The following NOTCH2NLR variants were observed in gnomAD, a reference collection of about 807,000 sequenced individuals.
NOTCH2NLR encodes notch 2 N-terminal like R (pseudogene).
A neutral mutation model predicts 35.6 loss-of-function variants in NOTCH2NLR; 33 were observed. The observed-to-expected ratio is 0.93, with a 90% CI of 0.70 to 1.24. The LOEUF (loss-of-function observed/expected upper bound fraction) is 1.24, where lower values mean the gene tolerates loss of function less well. Among genes scored for constraint, NOTCH2NLR ranks in the 50% most tolerant of loss-of-function variants. The pLI, the probability that NOTCH2NLR is intolerant of heterozygous loss-of-function variation, is 0.00. For synonymous variants in NOTCH2NLR, 103 were observed against 141.0 expected, an observed-to-expected ratio of 0.73 and a Z score of 1.91; for missense variants, 276 against 362.2, an observed-to-expected ratio of 0.76 and a Z score of 1.93.
At chr1:120,764,710 T>G (rs1651170863) in intron 2 of NOTCH2NLR, among the ~76,000 whole-genome samples, 4 of 119,638 alleles carry the variant, frequency 3.3e-5, no homozygotes, top group Admixed American at 2.4e-4. Context: ...TAATTTTTTT[T>G]CTTCTGCCTC....
In NOTCH2NLR at chr1:120,761,383, C is replaced by A. The variant is rs1460964715; in HGVS notation, c.74-2245C>A. 1.9e-5 allele frequency among the ~76,000 whole-genome samples: 2 copies of A among 106,834 alleles called. 1 individual carries two copies. The highest frequency in any genetic ancestry group is 3.5e-5 in the Non-Finnish European group (2 of 57,552). The allele number at this position is 106,834 out of a possible 152,430, so 70.1% of individuals were successfully genotyped here. ...AGGGAACCTTTAGGGACATTTAGTT[C>A]GCTCTCAGCTTGGTACAGGTAGGGA... On this transcript the variant is annotated intron_variant, in intron 1 of 4. Coordinates refer to ENST00000624419, the Ensembl canonical transcript of NOTCH2NLR.
chr1:120,724,303 G>A, intron 1 of NOTCH2NLR, 53 bp downstream of exon 1: 1 of 1,366,118 alleles, frequency 7.3e-7, no homozygotes, highest in South Asian at 1.3e-5. Flanking sequence ...TGCCACCTGG[G>A]GCGACCCTTC....
At position 120,764,039 on chromosome 1, in the gene NOTCH2NLR, G is replaced by T. The variant is rs1356427443; in HGVS notation, c.155+330G>T. ...TGAGTTGGGCGAATCACGAGGTCAG[G>T]AGTTCAAGATCAGCCTGGCCAACAT... is the stretch of plus-strand genomic sequence containing the variant. On this transcript the variant is annotated intron_variant, in intron 2 of 4. Transcript: ENST00000624419. Among the ~76,000 whole-genome samples, 5 of 113,852 alleles carry T rather than the reference G, an allele frequency of 4.4e-5. 1 individual carries two copies. The highest frequency in any genetic ancestry group is 8.4e-5 in the Non-Finnish European group (5 of 59,678). 74.7% of individuals were successfully genotyped at this position (113,852 alleles called of 152,430 possible).
At chr1:120,745,248 CA>C (rs1650968985) in intron 1 of NOTCH2NLR, among the ~76,000 whole-genome samples, 2 of 107,356 alleles carry the variant, frequency 1.9e-5, no homozygotes, top group South Asian at 5.3e-4. Context: ...ACGAATGGGT[CA>C]TGAAACCAAT....
In NOTCH2NLR at chr1:120,756,737, T is replaced by C. The variant is rs1651085377; in HGVS notation, c.74-6891T>C. ...GTAGCTGGTATGATACTGAAAAGCA[T>C]TGGAAAACTTAGGTAAATGCCTAGA... is the stretch of plus-strand genomic sequence containing the variant. On this transcript the variant is annotated intron_variant, in intron 1 of 4. Transcript: ENST00000624419. Among the ~76,000 whole-genome samples the C allele has an allele frequency of 1.7e-5, 2 of 115,062 alleles. 1 individual carries two copies. The highest frequency in any genetic ancestry group is 3.3e-5 in the Non-Finnish European group (2 of 60,632). The allele number at this position is 115,062 out of a possible 152,430, so 75.5% of individuals were successfully genotyped here.
chr1:120,724,149 C>A lies in NOTCH2NLR; in HGVS notation c.-29C>A, dbSNP rs1254913284. ...GCCCAGGCGGCGGCGGCGGCGGCGGCGGAGGAGGAGGAGGAGGCGACCGAG... is the reference window on the plus strand; with the variant it reads ...GCCCAGGCGGCGGCGGCGGCGGCGGAGGAGGAGGAGGAGGAGGCGACCGAG... On this transcript the variant is annotated 5_prime_UTR_variant, in exon 1 of 5. Coordinates refer to ENST00000624419, the Ensembl canonical transcript of NOTCH2NLR. 2.3e-4 allele frequency: 266 copies of A among 1,179,586 alleles called. 37 individuals carry two copies. The highest frequency in any genetic ancestry group is 1.1e-3 in the East Asian group (37 of 33,794). The allele number at this position is 1,179,586 out of a possible 1,614,324, so 73.1% of individuals were successfully genotyped here. A position where few individuals can be genotyped will look rare whatever the true frequency, so the allele number is the denominator to read the frequency against.
At chr1:120,770,646 A>G (rs1188913908) in intron 2 of NOTCH2NLR, among the ~76,000 whole-genome samples, 2 of 121,178 alleles carry the variant, frequency 1.7e-5, no homozygotes, top group Non-Finnish European at 1.6e-5. Flanking sequence ...GAGAGACTAT[A>G]TGGAAGCTAA....
Position 120,776,261 on chromosome 1 carries a change from G to A in NOTCH2NLR, c.156-8713G>A, listed in dbSNP as rs1388527463. ...TTATTAAGAACAGAGGGGGTATCAA[G>A]GCTGTTTTTCACAGGAAATAACATT... On this transcript the variant is annotated intron_variant, in intron 2 of 4. Transcript: ENST00000624419. 1.2e-4 allele frequency among the ~76,000 whole-genome samples: 14 copies of A among 114,490 alleles called. 4 individuals are homozygous for A. The South Asian group carries it at 2.8e-3, about 23-fold the overall frequency. 75.1% of individuals were successfully genotyped at this position (114,490 alleles called of 152,430 possible). A position where few individuals can be genotyped will look rare whatever the true frequency, so the allele number is the denominator to read the frequency against.
rs1466884187 is a variant in NOTCH2NLR, at chr1:120,759,057, G to A, written c.74-4571G>A. Among the ~76,000 whole-genome samples, 2 of 101,368 alleles carry A rather than the reference G, an allele frequency of 2.0e-5. 1 individual carries two copies. The highest frequency in any genetic ancestry group is 3.6e-5 in the Non-Finnish European group (2 of 55,600). The allele number at this position is 101,368 out of a possible 152,430, so 66.5% of individuals were successfully genotyped here. A position where few individuals can be genotyped will look rare whatever the true frequency, so the allele number is the denominator to read the frequency against. ...ATAGAAATAAGGTTCCTGAGGACAG[G>A]GAGTTTATTCTGTATACTACGGTAT... On this transcript the variant is annotated intron_variant, in intron 1 of 4. Transcript: ENST00000624419.
chr1:120,761,000 C>T (rs1242141860), intron 1 of NOTCH2NLR, among the ~76,000 whole-genome samples: 2 of 125,876 alleles, frequency 1.6e-5, no homozygotes, highest in Non-Finnish European at 3.3e-5. Context: ...AGAACCATGG[C>T]TCAGTAAATG....
At chr1:120,759,829 T>C (rs1651114668) in intron 1 of NOTCH2NLR, among the ~76,000 whole-genome samples, 2 of 115,664 alleles carry the variant, frequency 1.7e-5, no homozygotes, top group South Asian at 5.0e-4. Context: ...TTAACATTTT[T>C]TGAAATTTAC....
rs1276846996 is a variant in NOTCH2NLR, at chr1:120,724,315, C to G, written c.73+65C>G. The G allele has an allele frequency of 9.6e-6, 13 of 1,360,908 alleles. 2 individuals are homozygous for G. The highest frequency in any genetic ancestry group is 4.8e-5 in the Admixed American group (2 of 41,300). 84.3% of individuals were successfully genotyped at this position (1,360,908 alleles called of 1,614,324 possible). A position where few individuals can be genotyped will look rare whatever the true frequency, so the allele number is the denominator to read the frequency against. On this transcript the variant is annotated intron_variant, in intron 1 of 4. Transcript: ENST00000624419. ...GGCTGCCACCTGGGGCGACCCTTCT[C>G]CCCCTCAGTCCTTCTCTGTGTGGGA...
At position 120,784,884 on chromosome 1, in the gene NOTCH2NLR, C is replaced by G; in HGVS notation, c.156-90C>G. The stretch of plus-strand genomic sequence containing the variant: ...AGGTCTGTTGATTCACAATCTCGTG[C>G]TTTCTTGATTGGACTGTATTGTTTT... On this transcript the variant is annotated intron_variant, in intron 2 of 4. Transcript: ENST00000624419. The G allele has an allele frequency of 3.9e-6, 4 of 1,032,610 alleles. 1 individual carries two copies. Among genetic ancestry groups the G allele is most frequent in the Non-Finnish European group, 5.5e-6 (4 of 723,894 alleles). The allele number at this position is 1,032,610 out of a possible 1,614,324, so 64.0% of individuals were successfully genotyped here. A position where few individuals can be genotyped will look rare whatever the true frequency, so the allele number is the denominator to read the frequency against.
In NOTCH2NLR at chr1:120,737,839, G is replaced by A. The variant is rs1410570097; in HGVS notation, c.73+13589G>A. Among the ~76,000 whole-genome samples, 2 of 113,356 alleles carry A rather than the reference G, an allele frequency of 1.8e-5. 1 individual carries two copies. Among genetic ancestry groups the A allele is most frequent in the Non-Finnish European group, 3.5e-5 (2 of 57,076 alleles). The allele number at this position is 113,356 out of a possible 152,430, so 74.4% of individuals were successfully genotyped here. A position where few individuals can be genotyped will look rare whatever the true frequency, so the allele number is the denominator to read the frequency against. On this transcript the variant is annotated intron_variant, in intron 1 of 4. Coordinates refer to ENST00000624419, the Ensembl canonical transcript of NOTCH2NLR. The stretch of plus-strand genomic sequence containing the variant: ...ACAGTTTGCTTCTTCTCAAGTTTTG[G>A]CAGCCTTGAACAAGTGGTTGTCAGG...
At chr1:120,766,212 T>C (rs1210857538) in intron 2 of NOTCH2NLR, among the ~76,000 whole-genome samples, 2 of 25,018 alleles carry the variant, frequency 8.0e-5, no homozygotes, top group Non-Finnish European at 1.4e-4. Flanking sequence ...AGAGGCAAAT[T>C]GGTTCTATTT....
intron 2 of NOTCH2NLR, among the ~76,000 whole-genome samples, chr1:120,775,106 CA>C (rs1374856120): frequency 2.3e-4 from 5 of 22,090 alleles, no homozygotes; most frequent in African/African-American, 2.2e-3. Context: ...AGACACAGTA[CA>C]GTTCTTACCC....
At chr1:120,778,487 T>C (rs1415059818) in intron 2 of NOTCH2NLR, among the ~76,000 whole-genome samples, 1 of 103,794 alleles carries the variant, frequency 9.6e-6, no homozygotes, top group East Asian at 2.3e-4. Flanking sequence ...GTATAGTTTT[T>C]TTAAAAATCA....
intron 1 of NOTCH2NLR, 134 bp from the exon 2 acceptor site, chr1:120,763,494 A>C: frequency 2.2e-6 from 1 of 453,178 alleles, no homozygotes; most frequent in Non-Finnish European, 3.9e-6. Context: ...GAACATAAAA[A>C]ACTGATTAAA....
At chr1:120,765,572 C>T (rs1431897787) in intron 2 of NOTCH2NLR, among the ~76,000 whole-genome samples, 1 of 72,142 alleles carries the variant, frequency 1.4e-5, no homozygotes, top group Non-Finnish European at 2.7e-5. Flanking sequence ...TTCAGTGTGG[C>T]GATTCCTCAA....
Sources: allele counts gnomAD v4.1 joint callset (sites outside exome capture counted in the v4.1 genomes callset), GRCh38; gene constraint gnomAD v4.1.1; transcripts MANE v1.5; gene names NCBI Gene and HGNC (gene_info 2026-07-23, HGNC 2026-07-21).